The following SUGT1 variants were observed in gnomAD, a reference collection of about 807,000 sequenced individuals.
The protein encoded by SUGT1 is protein SGT1 homolog.
In SUGT1, 15 loss-of-function variants were observed where a neutral mutation model predicts 56.1. The observed-to-expected ratio is 0.27, with a 90% confidence interval of 0.18 to 0.41. SUGT1 has a LOEUF of 0.41. Ranked by LOEUF, SUGT1 falls within the 10% of genes least tolerant of loss-of-function variation. SUGT1 has a pLI of 1.00. For synonymous variants in SUGT1, 123 were observed against 128.6 expected (o/e 0.96, Z 0.30); for missense variants, 347 against 382.2 (o/e 0.91, Z 0.77).
chr13:52,687,515 C>T, intron 12 of SUGT1: 1 of 275,014 alleles, frequency 3.6e-6, no homozygotes, highest in Non-Finnish European at 6.7e-6. Flanking sequence ...AACTTGTTAA[C>T]CTCTGGAATG....
In SUGT1 at chr13:52,652,963, A is replaced by G. The variant is rs371395322; in HGVS notation, c.38+5A>G. The G allele has an allele frequency of 5.1e-5, 83 of 1,614,052 alleles. No individual in the cohort carries two copies. The highest frequency in any genetic ancestry group is 6.4e-5 in the Non-Finnish European group (76 of 1,180,008). ...AGGAACTGCAACATCCCAGAGGTGC[A>G]TGTTTTTCTTTCCCTTTGGTATTTA... On this transcript the variant is annotated splice_donor_5th_base_variant and intron_variant, in intron 1 of 12. Coordinates refer to ENST00000310528, the MANE Select transcript of SUGT1 (RefSeq NM_006704.5).
intron 12 of SUGT1, among the ~76,000 whole-genome samples, chr13:52,685,467 G>A (rs1379341363): frequency 6.6e-6 from 1 of 151,872 alleles, no homozygotes; most frequent in Non-Finnish European, 1.5e-5. Flanking sequence ...GGGAAGAATA[G>A]GAAAAGTACA....
chr13:52,687,088 A>AAT (rs1963622283), intron 12 of SUGT1: 1 of 151,108 alleles, frequency 6.6e-6, no homozygotes, highest in South Asian at 2.1e-4. Context: ...AAAAAAAAAA[A>AAT]AAAAGAAATG....
In SUGT1 at chr13:52,663,086, GT is replaced by G; in HGVS notation, c.383-6del. 6.2e-7 allele frequency: 1 copy of G among 1,605,508 alleles called. No individual in the cohort carries two copies. The highest frequency in any genetic ancestry group is 1.7e-5 in the Admixed American group (1 of 58,642). On this transcript the variant is annotated splice_polypyrimidine_tract_variant and intron_variant, in intron 6 of 12. Coordinates refer to ENST00000310528, the MANE Select transcript of SUGT1 (RefSeq NM_006704.5). ...TTCCCTGAAAATGTTTCCTTTTTATGTTTTAATAGGCTCAGAATCTGAGGTG... is the reference window on the plus strand; with the variant it reads ...TTCCCTGAAAATGTTTCCTTTTTATGTTTAATAGGCTCAGAATCTGAGGTG...
chr13:52,688,022 T>C lies in SUGT1; in HGVS notation c.*187T>C. The C allele has an allele frequency of 2.4e-6, 1 of 416,200 alleles. No individual in the cohort carries two copies. Among genetic ancestry groups the C allele is most frequent in the Non-Finnish European group, 4.2e-6 (1 of 236,842 alleles). 25.8% of individuals were successfully genotyped at this position (416,200 alleles called of 1,614,324 possible). On this transcript the variant is annotated 3_prime_UTR_variant, in exon 13 of 13. Transcript: ENST00000310528. ...AATGAAGAATGAAGATAACATTTTA[T>C]CACTTCTGTCCTTAAAGGTTTCAGA... is the stretch of plus-strand genomic sequence containing the variant.
intron 2 of SUGT1, among the ~76,000 whole-genome samples, chr13:52,654,009 G>T (rs1166508098): frequency 3.3e-5 from 5 of 152,206 alleles, no homozygotes; most frequent in Admixed American, 1.3e-4. Flanking sequence ...GGAAGCTCTG[G>T]GGAAAGAATA....
rs1451064882 is a variant in SUGT1, at chr13:52,658,440, A to G, written c.229A>G (p.Asn77Asp). 1.9e-6 allele frequency: 3 copies of G among 1,613,068 alleles called. No individual in the cohort carries two copies. Among genetic ancestry groups the G allele is most frequent in the African/African-American group, 2.7e-5 (2 of 74,860 alleles). The change falls in exon 4 of 13, where the codon AAT becomes GAT. Residue 77 changes from asparagine (N) to aspartate (D), a missense_variant. Coordinates refer to ENST00000310528, the MANE Select transcript of SUGT1 (RefSeq NM_006704.5). ...DAKKSLELNP[N>D]NSTAMLRKGI... ...AAAGAAGTCTCTAGAACTCAATCCA[A>G]ATAATTCCACTGCTATGCTGAGAAA... is the stretch of plus-strand genomic sequence containing the variant.
chr13:52,694,540 C>T lies in SUGT1; in HGVS notation c.*6705C>T, dbSNP rs1423196540. 3 of 152,172 alleles carry T rather than the reference C, an allele frequency of 2.0e-5. No homozygotes were observed. The highest frequency in any genetic ancestry group is 7.2e-5 in the African/African-American group (3 of 41,446). The allele number at this position is 152,172 out of a possible 1,614,324, so 9.4% of individuals were successfully genotyped here. On this transcript the variant is annotated 3_prime_UTR_variant, in exon 13 of 13. Coordinates refer to ENST00000310528, the MANE Select transcript of SUGT1 (RefSeq NM_006704.5). ...ATGTTAAGGAACTTTCGGAAGTTCT[C>T]TGGTTTTCATTTCAATTTCAAAGCT...
intron 11 of SUGT1, among the ~76,000 whole-genome samples, chr13:52,677,193 TTG>T (rs780126339): frequency 2.0e-5 from 3 of 151,800 alleles, no homozygotes; most frequent in African/African-American, 7.3e-5. Flanking sequence ...GTGTGTGTGT[TTG>T]TGTGTGTGTG....
In SUGT1 at chr13:52,674,447, C is replaced by T. The variant is rs73488280; in HGVS notation, c.628-1783C>T. Among the ~76,000 whole-genome samples, 852 of 152,062 alleles carry T rather than the reference C, an allele frequency of 5.6e-3. 7 individuals are homozygous for T. The highest frequency in any genetic ancestry group is 0.019 in the African/African-American group (776 of 41,518). Reference sequence around the variant, plus strand: ...AAAAATAAACGCTTGAGACCAGATACCCCACATACATATACCATCATTTTA... The same window carrying T: ...AAAAATAAACGCTTGAGACCAGATATCCCACATACATATACCATCATTTTA... On this transcript the variant is annotated intron_variant, in intron 10 of 12. Transcript: ENST00000310528.
Position 52,654,411 on chromosome 13 carries a change from T to C in SUGT1, c.96+1308T>C, listed in dbSNP as rs1267184684. ...TTGCTTTTAAACAGTATTAACATAA[T>C]GAATTTTATTGTCACTTTCCATCTT... On this transcript the variant is annotated intron_variant, in intron 2 of 12. Coordinates refer to ENST00000310528, the MANE Select transcript of SUGT1 (RefSeq NM_006704.5). Among the ~76,000 whole-genome samples, 6 of 152,254 alleles carry C rather than the reference T, an allele frequency of 3.9e-5. No individual in the cohort carries two copies. The East Asian group carries it at 1.2e-3, about 29-fold the overall frequency.
intron 2 of SUGT1, among the ~76,000 whole-genome samples, chr13:52,653,956 G>C (rs529027092): frequency 6.6e-6 from 1 of 152,338 alleles, no homozygotes; most frequent in South Asian, 2.1e-4. Flanking sequence ...CTCCGTTGAG[G>C]AGATCTTTGA....
In SUGT1 at chr13:52,659,830, T is replaced by A. The variant is rs1467444647; in HGVS notation, c.328+581T>A. Among the ~76,000 whole-genome samples, 417 of 70,366 alleles carry A rather than the reference T, an allele frequency of 5.9e-3. 1 individual carries two copies. Among genetic ancestry groups the A allele is most frequent in the African/African-American group, 0.021 (243 of 11,818 alleles). 46.2% of individuals were successfully genotyped at this position (70,366 alleles called of 152,430 possible). On this transcript the variant is annotated intron_variant, in intron 5 of 12. Coordinates refer to ENST00000310528, the MANE Select transcript of SUGT1 (RefSeq NM_006704.5). ...TATATATATATTTTTTTTTTTTTTT[T>A]TTTTTTTTTTTTTTTTGAGACGGAG...
chr13:52,662,427 TAAA>T (rs1426885998), intron 5 of SUGT1, among the ~76,000 whole-genome samples: 1 of 152,238 alleles, frequency 6.6e-6, no homozygotes, highest in African/African-American at 2.4e-5. Context: ...TTAAAATTTT[TAAA>T]AAATCAAAAT....
intron 11 of SUGT1, among the ~76,000 whole-genome samples, chr13:52,677,316 A>G (rs939860999): frequency 1.3e-5 from 2 of 152,336 alleles, no homozygotes; most frequent in East Asian, 1.9e-4. Flanking sequence ...AACTAGTCCA[A>G]TGATTACCTC....
intron 11 of SUGT1, among the ~76,000 whole-genome samples, chr13:52,676,866 A>G (rs1484686226): frequency 6.6e-6 from 1 of 152,192 alleles, no homozygotes; most frequent in Admixed American, 6.5e-5. Flanking sequence ...GCTTCATTGT[A>G]TATATAACCC....
intron 10 of SUGT1, among the ~76,000 whole-genome samples, chr13:52,668,052 C>T (rs1962788470): frequency 6.6e-6 from 1 of 151,894 alleles, no homozygotes; most frequent in Non-Finnish European, 1.5e-5. Context: ...TCTCAGCTCA[C>T]TGCAACCTCC....
At chr13:52,683,906 G>A (rs552378078) in intron 12 of SUGT1, among the ~76,000 whole-genome samples, 14 of 152,032 alleles carry the variant, frequency 9.2e-5, no homozygotes, top group African/African-American at 3.4e-4. Flanking sequence ...TTCTTGAGAC[G>A]GCATTTTTCT....
chr13:52,678,784 T>C (rs1298034262), intron 11 of SUGT1, among the ~76,000 whole-genome samples: 1 of 2,180 alleles, frequency 4.6e-4, no homozygotes, highest in Non-Finnish European at 2.2e-3. Flanking sequence ...ACTCAAGCAG[T>C]CCTCTACCCC....
Sources: gnomAD v4.1 joint callset for allele counts (sites outside exome capture counted in the v4.1 genomes callset) on GRCh38, gnomAD v4.1.1 for gene constraint, MANE v1.5 for transcripts, NCBI Gene and HGNC (gene_info 2026-07-23, HGNC 2026-07-21) for gene names.